RHEX: variants seen among roughly 807,000 people sequenced by gnomAD.
RHEX encodes regulator of hemoglobinization and erythroid cell expansion.
A neutral mutation model predicts 20.1 loss-of-function variants in RHEX; 18 were observed. The ratio of observed to expected loss-of-function variants is 0.90; its 90% confidence interval spans 0.62 to 1.33. RHEX has a LOEUF of 1.33. Ranked by LOEUF, RHEX falls within the 40% of genes most tolerant of loss-of-function variation. The pLI is 0.00. For synonymous variants in RHEX, 87 were observed against 77.1 expected, an observed-to-expected ratio of 1.13 and a Z score of -0.67; for missense variants, 192 against 214.3, an observed-to-expected ratio of 0.90 and a Z score of 0.65.
intron 4 of RHEX, among the ~76,000 whole-genome samples, chr1:206,100,052 G>A (rs140916884): frequency 9.2e-5 from 14 of 152,264 alleles, no homozygotes; most frequent in South Asian, 2.1e-4. Flanking sequence ...GATTGCAGGC[G>A]GCTTGGGAAA....
intron 1 of RHEX, among the ~76,000 whole-genome samples, chr1:206,081,142 T>C (rs868973757): frequency 6.6e-6 from 1 of 152,090 alleles, no homozygotes; most frequent in African/African-American, 2.4e-5. Context: ...TTGGAGCAAA[T>C]CATCTTCTCA....
chr1:206,081,239 A>T (rs1239738584), intron 1 of RHEX, among the ~76,000 whole-genome samples: 3 of 152,178 alleles, frequency 2.0e-5, no homozygotes, highest in Non-Finnish European at 4.4e-5. Flanking sequence ...TAATTCACTC[A>T]TTTATCCATG....
intron 1 of RHEX, among the ~76,000 whole-genome samples, chr1:206,064,318 C>G (rs1320866577): frequency 7.2e-6 from 1 of 138,222 alleles, no homozygotes; most frequent in Non-Finnish European, 1.6e-5. Context: ...AGGGGAACCT[C>G]TGCCCGGCCG....
intron 5 of RHEX, among the ~76,000 whole-genome samples, chr1:206,101,467 G>A (rs879986776): frequency 6.6e-6 from 1 of 152,114 alleles, no homozygotes; most frequent in Non-Finnish European, 1.5e-5. Context: ...CCAGTTGTTG[G>A]GCTCAAGTCT....
chr1:206,092,643 C>A lies in RHEX; in HGVS notation c.-96-5090C>A, dbSNP rs1406743731. Among the ~76,000 whole-genome samples, 10 of 151,914 alleles carry A rather than the reference C, an allele frequency of 6.6e-5. No individual in the cohort carries two copies. The East Asian group carries it at 1.7e-3, about 26-fold the overall frequency. On this transcript the variant is annotated intron_variant, in intron 1 of 5. Coordinates refer to ENST00000331555, the MANE Select transcript of RHEX (RefSeq NM_001007544.4). ...ACTATCCATTTTACTGAGATTTCAT[C>A]AAAAAAAATTTTGTAGTCTAACTTT...
chr1:206,083,517 G>A, intron 1 of RHEX: 1 of 985,424 alleles, frequency 1.0e-6, no homozygotes, highest in African/African-American at 1.7e-5. Context: ...TGTTGGAAAT[G>A]TTGAAACACT....
chr1:206,053,305 T>C (rs1662108137), intron 1 of RHEX, 40 bp downstream of exon 1: 1 of 152,714 alleles, frequency 6.5e-6, no homozygotes, highest in Non-Finnish European at 1.5e-5. Context: ...TCCATCTAGG[T>C]GGAAGTGTGG....
At chr1:206,083,755 C>CACA in intron 1 of RHEX, 2 of 538,082 alleles carry the variant, frequency 3.7e-6, no homozygotes, top group Non-Finnish European at 2.4e-6. Context: ...TGTTTATGTG[C>CACA]TGAGATTCCA....
chr1:206,094,144 T>C (rs1022867080), intron 1 of RHEX, among the ~76,000 whole-genome samples: 3 of 151,256 alleles, frequency 2.0e-5, no homozygotes, highest in Non-Finnish European at 1.5e-5. Flanking sequence ...ATAATTACCT[T>C]AAATTGCCCA....
Position 206,101,128 on chromosome 1 carries a change from C to A in RHEX, c.257-8C>A. ...TTTGGAAGAGGAACCGTTTCTATTTCTCCCCAGATGACAGCGACACACCCT... is the reference window on the plus strand; with the variant it reads ...TTTGGAAGAGGAACCGTTTCTATTTATCCCCAGATGACAGCGACACACCCT... On this transcript the variant is annotated splice_region_variant and splice_polypyrimidine_tract_variant and intron_variant, in intron 4 of 5. Transcript: ENST00000331555. 1 of 1,609,900 alleles carries A rather than the reference C, an allele frequency of 6.2e-7. No homozygotes were observed.
At chr1:206,098,327 C>A (rs1663120978) in intron 3 of RHEX, 146 bp downstream of exon 3, 1 of 622,894 alleles carries the variant, frequency 1.6e-6, no homozygotes, top group African/African-American at 1.8e-5. Context: ...CCCACCGCTC[C>A]CCCTCCCCCC....
rs1558176080 is a variant in RHEX at position 206,083,109 on chromosome 1, A to G, written c.-96-14624A>G. Among the ~76,000 whole-genome samples, 4 of 152,346 alleles carry G rather than the reference A, an allele frequency of 2.6e-5. No homozygotes were observed. In the South Asian group the frequency reaches 8.3e-4, roughly 32 times the overall value. ...CACTTAATCTTTGAATACATCACATATAGATTCACAGATGAGCTAGGTTGG... is the reference window on the plus strand; with the variant it reads ...CACTTAATCTTTGAATACATCACATGTAGATTCACAGATGAGCTAGGTTGG... On this transcript the variant is annotated intron_variant, in intron 1 of 5. Coordinates refer to ENST00000331555, the MANE Select transcript of RHEX (RefSeq NM_001007544.4).
At chr1:206,073,856 G>A (rs1553284924) in intron 1 of RHEX, among the ~76,000 whole-genome samples, 1 of 151,996 alleles carries the variant, frequency 6.6e-6, no homozygotes, top group Non-Finnish European at 1.5e-5. Flanking sequence ...TGCAACCAGA[G>A]GGTTCCTCTA....
At chr1:206,098,856 T>G (rs542083784) in intron 3 of RHEX, among the ~76,000 whole-genome samples, 1 of 152,318 alleles carries the variant, frequency 6.6e-6, no homozygotes, top group South Asian at 2.1e-4. Context: ...CCCCGGAATC[T>G]TTCATTCCAT....
At chr1:206,064,306 T>G (rs1571854536) in intron 1 of RHEX, among the ~76,000 whole-genome samples, 1 of 116,924 alleles carries the variant, frequency 8.6e-6, no homozygotes, top group African/African-American at 3.5e-5. Flanking sequence ...GTCCGGGAGG[T>G]GAGGGGAACC....
intron 1 of RHEX, among the ~76,000 whole-genome samples, chr1:206,085,742 G>A (rs1202357963): frequency 1.3e-5 from 2 of 152,114 alleles, no homozygotes; most frequent in African/African-American, 4.8e-5. Flanking sequence ...GTCCATTTCA[G>A]AAAAATTCTA....
At chr1:206,063,241 G>C (rs1662341411) in intron 1 of RHEX, among the ~76,000 whole-genome samples, 1 of 152,210 alleles carries the variant, frequency 6.6e-6, no homozygotes, top group Non-Finnish European at 1.5e-5. Flanking sequence ...AATGTGTCTG[G>C]AATGGAACTG....
At chr1:206,081,548 A>G (rs1171032717) in intron 1 of RHEX, among the ~76,000 whole-genome samples, 2 of 152,238 alleles carry the variant, frequency 1.3e-5, no homozygotes, top group Non-Finnish European at 2.9e-5. Flanking sequence ...TGCATCTTAT[A>G]AAGATAGAAG....
intron 1 of RHEX, among the ~76,000 whole-genome samples, chr1:206,093,787 A>T (rs1215728483): frequency 6.6e-6 from 1 of 152,188 alleles, no homozygotes; most frequent in East Asian, 1.9e-4. Context: ...ATCCAGCCTT[A>T]ACTCAAGTCT....
Sources: gnomAD v4.1 joint callset for allele counts (sites outside exome capture counted in the v4.1 genomes callset) on GRCh38, gnomAD v4.1.1 for gene constraint, MANE v1.5 for transcripts, NCBI Gene and HGNC (gene_info 2026-07-23, HGNC 2026-07-21) for gene names.